GPBP1L1: variants seen among roughly 807,000 people sequenced by gnomAD.
GPBP1L1 encodes vasculin-like protein 1.
A neutral mutation model predicts 52.5 loss-of-function variants in GPBP1L1; 23 were observed. That is an observed-to-expected ratio of 0.44 (90% CI 0.32 to 0.62). The LOEUF (loss-of-function observed/expected upper bound fraction) is 0.62. Among genes scored for constraint, GPBP1L1 ranks in the 20% least tolerant of loss-of-function variants. The pLI is 0.06. For synonymous variants in GPBP1L1, 243 were observed against 203.1 expected, an observed-to-expected ratio of 1.20 and a Z score of -1.67; for missense variants, 596 against 579.3, an observed-to-expected ratio of 1.03 and a Z score of -0.30.
At chr1:45,639,317 T>C (rs370553974) in intron 8 of GPBP1L1, among the ~76,000 whole-genome samples, 28 of 152,228 alleles carry the variant, frequency 1.8e-4, no homozygotes, top group African/African-American at 5.5e-4. Context: ...AAGGACAGCA[T>C]AGAGAGAATA....
At chr1:45,663,407 G>C (rs914332500) in intron 2 of GPBP1L1, among the ~76,000 whole-genome samples, 1 of 152,172 alleles carries the variant, frequency 6.6e-6, no homozygotes, top group African/African-American at 2.4e-5. Context: ...CACCTTTTCA[G>C]TGTTTTACAT....
At chr1:45,642,911 G>A (rs568503512) in intron 6 of GPBP1L1, among the ~76,000 whole-genome samples, 5 of 152,316 alleles carry the variant, frequency 3.3e-5, no homozygotes, top group Non-Finnish European at 7.4e-5. Context: ...GCATTTCTAA[G>A]ATGGGTGTAG....
At chr1:45,672,892 G>C (rs1359929736) in intron 2 of GPBP1L1, among the ~76,000 whole-genome samples, 2 of 152,212 alleles carry the variant, frequency 1.3e-5, no homozygotes, top group African/African-American at 2.4e-5. Flanking sequence ...ATGTTGGATA[G>C]GGGAGGTGGT....
intron 4 of GPBP1L1, 123 bp from the exon 5 acceptor site, chr1:45,655,442 T>TA (rs1437551853): frequency 9.2e-7 from 1 of 1,092,468 alleles, no homozygotes; most frequent in Admixed American, 2.1e-5. Flanking sequence ...ACTCATATTG[T>TA]AAGCATATGG....
At chr1:45,671,678 G>C (rs1319489148) in intron 2 of GPBP1L1, among the ~76,000 whole-genome samples, 1 of 152,020 alleles carries the variant, frequency 6.6e-6, no homozygotes, top group African/African-American at 2.4e-5. Context: ...ACAAAAATCA[G>C]CTGCATGTGG....
chr1:45,629,547 G>A (rs770563518), intron 12 of GPBP1L1, 29 bp downstream of exon 12: 1 of 1,260,448 alleles, frequency 7.9e-7, no homozygotes, highest in South Asian at 1.2e-5. Context: ...GTTACTAACT[G>A]GTCTCTAGGA....
In GPBP1L1 at chr1:45,630,550, T is replaced by A; in HGVS notation, c.1101A>T (p.Gln367His). 1.2e-6 allele frequency: 2 copies of A among 1,614,042 alleles called. No homozygotes were observed. The highest frequency in any genetic ancestry group is 1.7e-6 in the Non-Finnish European group (2 of 1,179,904). ...CCACTACAGGGAGGGCAAGACCATT[T>A]TGATGACAGCCTTCCTCCCCATTTT... is the stretch of plus-strand genomic sequence containing the variant. ...PKENGEEGCH[Q>H]NGLALPVVEE... The change falls in exon 11 of 13, where the codon CAA (glutamine) becomes CAT (histidine). Residue 367 changes from glutamine to histidine, a missense_variant. Gln to His is a conservative substitution (Grantham distance 24, BLOSUM62 0). Transcript: ENST00000355105.
chr1:45,662,112 G>A (rs1644954147), intron 2 of GPBP1L1, among the ~76,000 whole-genome samples: 2 of 152,028 alleles, frequency 1.3e-5, no homozygotes, highest in Admixed American at 1.3e-4. Flanking sequence ...AATTTCTTCG[G>A]TAATTTCTCA....
At chr1:45,674,915 G>C (rs925827443) in intron 2 of GPBP1L1, among the ~76,000 whole-genome samples, 11 of 152,100 alleles carry the variant, frequency 7.2e-5, no homozygotes, top group Non-Finnish European at 1.6e-4. Flanking sequence ...ACTTTTTTCG[G>C]ACTCTTCCTT....
chr1:45,629,680 T>C lies in GPBP1L1; in HGVS notation c.1170-2A>G. 2 of 1,580,744 alleles carry C rather than the reference T, an allele frequency of 1.3e-6. No homozygotes were observed. The highest frequency in any genetic ancestry group is 4.5e-5 in the East Asian group (2 of 44,684). On this transcript the variant is annotated splice_acceptor_variant, in intron 11 of 12. Transcript: ENST00000355105. LOFTEE classifies it high-confidence loss of function. ...TGCCAACCCATAGCTTTCAATAACCTGGTGGACGCAGAAGGACAGGTAAAG... is the reference window on the plus strand; with the variant it reads ...TGCCAACCCATAGCTTTCAATAACCCGGTGGACGCAGAAGGACAGGTAAAG...
At chr1:45,676,862 CAG>C in intron 2 of GPBP1L1, among the ~76,000 whole-genome samples, 1 of 145,210 alleles carries the variant, frequency 6.9e-6, no homozygotes, top group Non-Finnish European at 1.5e-5. Flanking sequence ...CTGGGTGACA[CAG>C]AGAGACCCTG....
intron 8 of GPBP1L1, 140 bp from the exon 9 acceptor site, chr1:45,634,376 T>C (rs1024565716): frequency 3.8e-6 from 3 of 782,662 alleles, no homozygotes; most frequent in Non-Finnish European, 5.7e-6. Context: ...GTTTGGGAAG[T>C]ATGCAACCTC....
At position 45,640,209 on chromosome 1, in the gene GPBP1L1, C is replaced by G; in HGVS notation, c.744+1G>C. On this transcript the variant is annotated splice_donor_variant, in intron 8 of 12. Transcript: ENST00000355105. LOFTEE classifies it high-confidence loss of function. ...GTTCTTGCCCTGATTCTAAATCATACCTTGGAAGGAGGTGGTACAGGCTTA... is the reference window on the plus strand; with the variant it reads ...GTTCTTGCCCTGATTCTAAATCATAGCTTGGAAGGAGGTGGTACAGGCTTA... 1 of 1,610,140 alleles carries G rather than the reference C, an allele frequency of 6.2e-7. No homozygotes were observed. Among genetic ancestry groups the G allele is most frequent in the Non-Finnish European group, 8.5e-7 (1 of 1,176,742 alleles).
At chr1:45,658,381 C>T (rs772726322) in intron 4 of GPBP1L1, among the ~76,000 whole-genome samples, 3 of 152,176 alleles carry the variant, frequency 2.0e-5, no homozygotes, top group South Asian at 4.1e-4. Flanking sequence ...TTAGCAAGTA[C>T]GTTTAATCTC....
At chr1:45,670,164 A>G (rs547015822) in intron 2 of GPBP1L1, among the ~76,000 whole-genome samples, 13 of 152,330 alleles carry the variant, frequency 8.5e-5, no homozygotes, top group Middle Eastern at 3.4e-3. Context: ...ACCAAACTAC[A>G]TATGGCCAGA....
Position 45,686,457 on chromosome 1 carries a change from G to C in GPBP1L1, c.-1188C>G, listed in dbSNP as rs1182144183. The C allele has an allele frequency of 1.3e-5, 2 of 152,396 alleles. No individual in the cohort carries two copies. Among genetic ancestry groups the C allele is most frequent in the South Asian group, 2.1e-4 (1 of 4,834 alleles). The allele number at this position is 152,396 out of a possible 1,614,324, so 9.4% of individuals were successfully genotyped here. On this transcript the variant is annotated 5_prime_UTR_variant, in exon 1 of 13. Coordinates refer to ENST00000355105, the MANE Select transcript of GPBP1L1 (RefSeq NM_021639.5). The stretch of plus-strand genomic sequence containing the variant: ...GCCAGGGACTAGACGCTGCGTCTGA[G>C]GACGCGTCCCCAGCTTGTCGACCCG...
chr1:45,650,414 T>A (rs1302958492), intron 6 of GPBP1L1, among the ~76,000 whole-genome samples: 1 of 152,182 alleles, frequency 6.6e-6, no homozygotes, highest in Non-Finnish European at 1.5e-5. Flanking sequence ...CCTGTCTATA[T>A]CATGTACTTC....
In GPBP1L1 at chr1:45,659,040, TG is replaced by T; in HGVS notation, c.47del (p.Pro16HisfsTer27). The T allele has an allele frequency of 1.2e-6, 2 of 1,607,722 alleles. No individual in the cohort carries two copies. Among genetic ancestry groups the T allele is most frequent in the Non-Finnish European group, 1.7e-6 (2 of 1,174,184 alleles). ...TGGAGAACAGTACCTTAGCTGACTG[TG>T]GTGTTGAGAAATTTAGCCAAGCAGG... is the stretch of plus-strand genomic sequence containing the variant. ...FVPAWLNFSTPQSAKSPTATF... is the reference protein window; with the variant it reads ...FVPAWLNFSTXQSAKSPTATF... On this transcript the variant is annotated frameshift_variant, in exon 4 of 13. Transcript: ENST00000355105. LOFTEE classifies it high-confidence loss of function.
At chr1:45,655,586 G>A (rs1644875865) in intron 4 of GPBP1L1, 1 of 270,120 alleles carries the variant, frequency 3.7e-6, no homozygotes, top group Non-Finnish European at 6.9e-6. Flanking sequence ...GAGGCGGAGG[G>A]GAAAAAAGCC....
Sources: allele counts gnomAD v4.1 joint callset (sites outside exome capture counted in the v4.1 genomes callset), GRCh38; gene constraint gnomAD v4.1.1; transcripts MANE v1.5; gene names NCBI Gene and HGNC (gene_info 2026-07-23, HGNC 2026-07-21).